DDI2: variants seen among roughly 807,000 people sequenced by gnomAD.
DDI2 encodes DDI proteasomal shuttling factor 2, also known as protein DDI1 homolog 2.
In DDI2, 5 loss-of-function variants were observed where a neutral mutation model predicts 48.1. The ratio of observed to expected loss-of-function variants is 0.10; its 90% CI spans 0.05 to 0.22. The LOEUF is 0.22. Ranked by LOEUF, DDI2 falls within the 10% of genes least tolerant of loss-of-function variation. The probability of loss-of-function intolerance (pLI) is 1.00; values close to 1 mark genes in which losing one functional copy is unlikely to be tolerated. For missense variants in DDI2, 285 were observed against 506.2 expected (o/e 0.56, Z 4.19); for synonymous variants, 205 against 183.6 (o/e 1.12, Z -0.94).
chr1:15,630,123 C>G (rs1216614513), intron 2 of DDI2, among the ~76,000 whole-genome samples: 2 of 152,076 alleles, frequency 1.3e-5, no homozygotes, highest in Admixed American at 1.3e-4. Context: ...CCATCACCTT[C>G]CCCCTATTTT....
chr1:15,622,053 C>G (rs116278639), intron 1 of DDI2, among the ~76,000 whole-genome samples: 2 of 151,932 alleles, frequency 1.3e-5, no homozygotes. Flanking sequence ...GTTTTGTGGC[C>G]GGTTTATGGT....
In DDI2 at chr1:15,623,093, G is replaced by A. The variant is rs114600702; in HGVS notation, c.139-3576G>A. 8.1e-3 allele frequency among the ~76,000 whole-genome samples: 1,234 copies of A among 152,276 alleles called. 16 individuals are homozygous for A. The highest frequency in any genetic ancestry group is 0.027 in the African/African-American group (1,124 of 41,552). ...CTATTGTCTGCTGAGGAAATATTGT[G>A]GCAACTAAGCAGTGATGGAGTGAAG... On this transcript the variant is annotated intron_variant, in intron 1 of 9. Transcript: ENST00000480945.
chr1:15,666,747 G>A lies in DDI2; in HGVS notation c.*6957G>A, dbSNP rs914473953. On this transcript the variant is annotated 3_prime_UTR_variant, in exon 10 of 10. Transcript: ENST00000480945. Reference sequence around the variant, plus strand: ...CCTTGTGAAGCTTTCAGTCTAGAAGGGAGACGTGAAACAAATTTTAGCTTC... The same window carrying A: ...CCTTGTGAAGCTTTCAGTCTAGAAGAGAGACGTGAAACAAATTTTAGCTTC... The A allele has an allele frequency of 2.6e-5, 4 of 152,126 alleles. No homozygotes were observed. 9.4% of individuals were successfully genotyped at this position (152,126 alleles called of 1,614,324 possible).
At chr1:15,654,211 G>A (rs551630725) in intron 8 of DDI2, among the ~76,000 whole-genome samples, 8 of 152,288 alleles carry the variant, frequency 5.3e-5, no homozygotes, top group Non-Finnish European at 8.8e-5. Context: ...TTTAAAAACA[G>A]CCAGGCAGCT....
chr1:15,660,601 T>A lies in DDI2; in HGVS notation c.*811T>A. 6.2e-7 allele frequency: 1 copy of A among 1,614,004 alleles called. No homozygotes were observed. Among genetic ancestry groups the A allele is most frequent in the Non-Finnish European group, 8.5e-7 (1 of 1,179,990 alleles). ...TTCAGAATGCAGTGGCTGCTCAAAT[T>A]CAGAAACATTTATGGAAATCGATAC... On this transcript the variant is annotated 3_prime_UTR_variant, in exon 10 of 10. Transcript: ENST00000480945.
chr1:15,641,771 A>G (rs979559413), intron 5 of DDI2, among the ~76,000 whole-genome samples: 5 of 151,992 alleles, frequency 3.3e-5, no homozygotes, highest in African/African-American at 1.2e-4. Flanking sequence ...CCTGGCCAAC[A>G]TGCTGAAGCC....
chr1:15,660,248 C>A lies in DDI2; in HGVS notation c.*458C>A. The A allele has an allele frequency of 2.5e-6, 4 of 1,614,152 alleles. No individual in the cohort carries two copies. The highest frequency in any genetic ancestry group is 3.4e-6 in the Non-Finnish European group (4 of 1,180,038). ...CAGGGCCTCAAATTTCATCTCCATACAAGACAGGAAGCTAGTTTATCTGTC... is the reference window on the plus strand; with the variant it reads ...CAGGGCCTCAAATTTCATCTCCATAAAAGACAGGAAGCTAGTTTATCTGTC... On this transcript the variant is annotated 3_prime_UTR_variant, in exon 10 of 10. Coordinates refer to ENST00000480945, the MANE Select transcript of DDI2 (RefSeq NM_032341.5).
In DDI2 at chr1:15,661,594, G is replaced by A; in HGVS notation, c.*1804G>A. The A allele has an allele frequency of 6.2e-7, 1 of 1,614,108 alleles. No individual in the cohort carries two copies. Among genetic ancestry groups the A allele is most frequent in the Non-Finnish European group, 8.5e-7 (1 of 1,180,040 alleles). ...TCCACCATTGATTTTTCCTGCCACAGATATTGACCGCATTCTCCGTGCTGG... is the reference window on the plus strand; with the variant it reads ...TCCACCATTGATTTTTCCTGCCACAAATATTGACCGCATTCTCCGTGCTGG... On this transcript the variant is annotated 3_prime_UTR_variant, in exon 10 of 10. Transcript: ENST00000480945.
intron 4 of DDI2, among the ~76,000 whole-genome samples, chr1:15,635,427 A>G (rs1025466483): frequency 6.6e-6 from 1 of 152,092 alleles, no homozygotes; most frequent in Non-Finnish European, 1.5e-5. Flanking sequence ...CAGGCCCAAG[A>G]CGGAGTCTTG....
intron 1 of DDI2, among the ~76,000 whole-genome samples, chr1:15,622,014 T>C (rs1161026509): frequency 6.6e-6 from 1 of 152,328 alleles, no homozygotes; most frequent in East Asian, 1.9e-4. Flanking sequence ...GTAATACTAT[T>C]ATGAAGCCAT....
At chr1:15,638,273 T>C in intron 4 of DDI2, 34 bp from the exon 5 acceptor site, 1 of 1,612,278 alleles carries the variant, frequency 6.2e-7, no homozygotes, top group Non-Finnish European at 8.5e-7. Flanking sequence ...ATGGAATTAA[T>C]GCTTTCAGTG....
chr1:15,618,677 A>G (rs952381376), intron 1 of DDI2, among the ~76,000 whole-genome samples: 3 of 152,180 alleles, frequency 2.0e-5, no homozygotes, highest in Non-Finnish European at 4.4e-5. Flanking sequence ...TAATTCTCAA[A>G]ATGCTTTGGG....
At chr1:15,646,968 T>C (rs748401107) in intron 6 of DDI2, among the ~76,000 whole-genome samples, 31 of 152,182 alleles carry the variant, frequency 2.0e-4, no homozygotes, top group Non-Finnish European at 3.7e-4. Flanking sequence ...TCTGTGCACT[T>C]TTTTATCTTA....
chr1:15,661,654 C>T lies in DDI2; in HGVS notation c.*1864C>T, dbSNP rs1394473217. 3 of 1,614,010 alleles carry T rather than the reference C, an allele frequency of 1.9e-6. No individual in the cohort carries two copies. Among genetic ancestry groups the T allele is most frequent in the Admixed American group, 1.7e-5 (1 of 59,986 alleles). ...GCAGGAAGCTCTTGGAGCTTTGCATCGAGTTGGTGGGAATGCAGACCTTGC... is the reference window on the plus strand; with the variant it reads ...GCAGGAAGCTCTTGGAGCTTTGCATTGAGTTGGTGGGAATGCAGACCTTGC... On this transcript the variant is annotated 3_prime_UTR_variant, in exon 10 of 10. Transcript: ENST00000480945.
chr1:15,619,766 A>G (rs1462813715), intron 1 of DDI2, among the ~76,000 whole-genome samples: 5 of 151,998 alleles, frequency 3.3e-5, no homozygotes, highest in African/African-American at 1.2e-4. Flanking sequence ...GGCTTTTTCA[A>G]TTGTTTTTTC....
In DDI2 at chr1:15,661,578, G is replaced by A. The variant is rs758127434; in HGVS notation, c.*1788G>A. On this transcript the variant is annotated 3_prime_UTR_variant, in exon 10 of 10. Coordinates refer to ENST00000480945, the MANE Select transcript of DDI2 (RefSeq NM_032341.5). ...CAAGTCCTGCCATTCTTCCACCATT[G>A]ATTTTTCCTGCCACAGATATTGACC... 3.1e-6 allele frequency: 5 copies of A among 1,614,150 alleles called. No individual in the cohort carries two copies. Among genetic ancestry groups the A allele is most frequent in the Non-Finnish European group, 4.2e-6 (5 of 1,180,026 alleles).
Position 15,654,362 on chromosome 1 carries a change from A to G in DDI2, c.1184-2255A>G, listed in dbSNP as rs189426300. On this transcript the variant is annotated intron_variant, in intron 8 of 9. Coordinates refer to ENST00000480945, the MANE Select transcript of DDI2 (RefSeq NM_032341.5). The stretch of plus-strand genomic sequence containing the variant: ...TTTGGCTTAGTTTTATGTATAAAGT[A>G]CAGTTTGAGTCAGGGCGTGGTGGCT... Among the ~76,000 whole-genome samples, 578 of 152,270 alleles carry G rather than the reference A, an allele frequency of 3.8e-3. 18 individuals are homozygous for G. The highest frequency in any genetic ancestry group is 0.031 in the Admixed American group (481 of 15,288).
At chr1:15,651,489 T>C (rs1640183120) in intron 7 of DDI2, among the ~76,000 whole-genome samples, 1 of 152,076 alleles carries the variant, frequency 6.6e-6, no homozygotes, top group African/African-American at 2.4e-5. Flanking sequence ...TGGTTAATTT[T>C]TGTATTTTTA....
chr1:15,624,838 T>C (rs1639728026), intron 1 of DDI2, among the ~76,000 whole-genome samples: 1 of 152,196 alleles, frequency 6.6e-6, no homozygotes, highest in Admixed American at 6.5e-5. Flanking sequence ...GGTTAAGTGA[T>C]GCTCACACCT....
Sources: gnomAD v4.1 joint callset for allele counts (sites outside exome capture counted in the v4.1 genomes callset) on GRCh38, gnomAD v4.1.1 for gene constraint, MANE v1.5 for transcripts, NCBI Gene and HGNC (gene_info 2026-07-23, HGNC 2026-07-21) for gene names.